RGS22: variants seen among roughly 807,000 people sequenced by gnomAD.
RGS22 encodes regulator of G protein signaling 22, also known as regulator of G-protein signaling 22.
In RGS22, 148 loss-of-function variants were observed where a neutral mutation model predicts 172.9. The ratio of observed to expected loss-of-function variants is 0.86; its 90% CI spans 0.75 to 0.98. The LOEUF (loss-of-function observed/expected upper bound fraction) is 0.98. Ranked by LOEUF, RGS22 falls within the 50% of genes least tolerant of loss-of-function variation. RGS22 has a pLI of 0.00. For missense variants in RGS22, 1,347 were observed against 1,440.8 expected (o/e 0.93, Z 1.05); for synonymous variants, 458 against 480.2 (o/e 0.95, Z 0.60).
At chr8:100,077,367 C>T (rs556677433) in intron 4 of RGS22, among the ~76,000 whole-genome samples, 230 of 152,228 alleles carry the variant, frequency 1.5e-3, no homozygotes, top group African/African-American at 5.1e-3. Context: ...ATTATAAGCA[C>T]TTAATGGTAC....
rs1249121843 is a variant in RGS22 at position 99,999,381 on chromosome 8, C to T, written c.2830G>A (p.Glu944Lys). The T allele has an allele frequency of 2.5e-6, 4 of 1,613,934 alleles. No homozygotes were observed. The highest frequency in any genetic ancestry group is 3.4e-6 in the Non-Finnish European group (4 of 1,179,926). Residue 944 changes from glutamate to lysine, a missense_variant, in exon 19 of 28, where the codon GAG becomes AAG. Coordinates refer to ENST00000360863, the MANE Select transcript of RGS22 (RefSeq NM_015668.5). ...LSGGWGKILH[E>K]QLDAPVLVEI... ...ACTAGAACAGGTGCATCAAGCTGCT[C>T]ATGAAGAATCTTCCCCCAGCCACCA...
intron 2 of RGS22, among the ~76,000 whole-genome samples, chr8:100,095,014 A>C (rs935750974): frequency 6.6e-6 from 1 of 152,248 alleles, no homozygotes; most frequent in Non-Finnish European, 1.5e-5. Flanking sequence ...TTTAATTTTT[A>C]GCCATAATAC....
intron 9 of RGS22, among the ~76,000 whole-genome samples, chr8:100,060,985 A>G (rs1196885567): frequency 3.3e-5 from 5 of 152,140 alleles, no homozygotes; most frequent in African/African-American, 1.2e-4. Flanking sequence ...GACCAATCAA[A>G]CAATAGAGAA....
chr8:100,105,166 T>A (rs945041676), intron 2 of RGS22, among the ~76,000 whole-genome samples: 2 of 152,220 alleles, frequency 1.3e-5, no homozygotes, highest in African/African-American at 4.8e-5. Flanking sequence ...ATGAACAGCA[T>A]CCACCATACA....
intron 14 of RGS22, 87 bp from the exon 15 acceptor site, chr8:100,008,656 CTAA>C: frequency 9.8e-7 from 1 of 1,021,108 alleles, no homozygotes; most frequent in South Asian, 1.8e-5. Flanking sequence ...TTTTTAAAAA[CTAA>C]GAGAAGGCAA....
chr8:99,984,950 T>C (rs1399710084), intron 21 of RGS22, among the ~76,000 whole-genome samples: 1 of 152,212 alleles, frequency 6.6e-6, no homozygotes, highest in Non-Finnish European at 1.5e-5. Context: ...TTCTACTATA[T>C]AGATATATCG....
intron 14 of RGS22, among the ~76,000 whole-genome samples, chr8:100,020,461 G>C (rs1466087054): frequency 6.6e-6 from 1 of 152,180 alleles, no homozygotes; most frequent in Non-Finnish European, 1.5e-5. Context: ...GTAAGCATAA[G>C]TGAGTGGTTC....
At chr8:100,031,123 T>C (rs1021443732) in intron 14 of RGS22, among the ~76,000 whole-genome samples, 2 of 152,056 alleles carry the variant, frequency 1.3e-5, no homozygotes, top group Non-Finnish European at 2.9e-5. Flanking sequence ...TCCAAACCAG[T>C]AGAGGAAAAC....
intron 20 of RGS22, among the ~76,000 whole-genome samples, chr8:99,990,879 G>A (rs112917160): frequency 0.013 from 1,996 of 152,254 alleles, 16 homozygotes; most frequent in Non-Finnish European, 0.02. Context: ...CCTCATATAG[G>A]CAGCTACCCC....
At chr8:100,028,327 A>C (rs532321838) in intron 14 of RGS22, among the ~76,000 whole-genome samples, 1 of 152,206 alleles carries the variant, frequency 6.6e-6, no homozygotes, top group East Asian at 1.9e-4. Context: ...AAGAGTTTTC[A>C]GGTAATCTAG....
At chr8:100,064,885 T>C (rs111591939) in intron 7 of RGS22, among the ~76,000 whole-genome samples, 5 of 152,202 alleles carry the variant, frequency 3.3e-5, no homozygotes, top group Admixed American at 6.5e-5. Context: ...TCAATTACTA[T>C]CAAACTTACA....
chr8:99,961,984 TAAACTC>T (rs1810248432), intron 27 of RGS22, among the ~76,000 whole-genome samples: 2 of 152,232 alleles, frequency 1.3e-5, no homozygotes, highest in African/African-American at 4.8e-5. Context: ...AAGGCTTTGT[TAAACTC>T]TAACACTAGT....
chr8:100,102,348 T>G (rs1453208477), intron 2 of RGS22, among the ~76,000 whole-genome samples: 2 of 152,158 alleles, frequency 1.3e-5, no homozygotes, highest in Non-Finnish European at 2.9e-5. Flanking sequence ...TAATTTGGGA[T>G]AGCAATGGGT....
chr8:100,046,510 A>G (rs1820734906), intron 11 of RGS22: 1 of 151,190 alleles, frequency 6.6e-6, no homozygotes, highest in Admixed American at 6.6e-5. Flanking sequence ...TAAAAAAAAA[A>G]GAATTAATTT....
rs920060487 is a variant in RGS22, at chr8:100,057,172, G to GT, written c.1515-4197dup. The stretch of plus-strand genomic sequence containing the variant: ...CTTGCATGGGGCCTGTAGCCCTTTC[G>GT]TTTTGGCCAATTTTTCCCAATTAGA... On this transcript the variant is annotated intron_variant, in intron 9 of 27. Transcript: ENST00000360863. 1.7e-3 allele frequency among the ~76,000 whole-genome samples: 262 copies of GT among 152,276 alleles called. 1 individual carries two copies. The highest frequency in any genetic ancestry group is 2.9e-3 in the Non-Finnish European group (196 of 68,024).
chr8:100,024,074 C>A (rs1044153947), intron 14 of RGS22: 3 of 152,288 alleles, frequency 2.0e-5, no homozygotes, highest in African/African-American at 2.4e-5. Context: ...TCAAGCAATT[C>A]TCCTGCCTCA....
At chr8:100,067,468 ATAAT>A (rs985573353) in intron 6 of RGS22, among the ~76,000 whole-genome samples, 1 of 152,122 alleles carries the variant, frequency 6.6e-6, no homozygotes, top group African/African-American at 2.4e-5. Context: ...GGAGGCCAAA[ATAAT>A]TAAGAAACAT....
At chr8:100,004,840 C>T (rs1326491572) in intron 16 of RGS22, among the ~76,000 whole-genome samples, 1 of 151,290 alleles carries the variant, frequency 6.6e-6, no homozygotes, top group Non-Finnish European at 1.5e-5. Context: ...ATATAATCGC[C>T]TTCATATAAA....
chr8:100,055,478 G>A (rs1390648033), intron 9 of RGS22, among the ~76,000 whole-genome samples: 1 of 152,150 alleles, frequency 6.6e-6, no homozygotes, highest in African/African-American at 2.4e-5. Context: ...CAATACCCAA[G>A]TCCTTTCAAA....
Sources: allele counts gnomAD v4.1 joint callset (sites outside exome capture counted in the v4.1 genomes callset), GRCh38; gene constraint gnomAD v4.1.1; transcripts MANE v1.5; gene names NCBI Gene and HGNC (gene_info 2026-07-23, HGNC 2026-07-21).